The following NRXN3 variants were observed in gnomAD, a reference collection of about 807,000 sequenced individuals.
The protein encoded by NRXN3 is neurexin III.
In NRXN3, 32 loss-of-function variants were observed where a neutral mutation model predicts 137.6. That is an observed-to-expected ratio of 0.23 (90% confidence interval 0.18 to 0.31). The LOEUF (loss-of-function observed/expected upper bound fraction) is 0.31. Among genes scored for constraint, NRXN3 ranks in the 10% least tolerant of loss-of-function variants. NRXN3 has a pLI of 1.00. For synonymous variants in NRXN3, 798 were observed against 784.5 expected, an observed-to-expected ratio of 1.02 and a Z score of -0.29; for missense variants, 1,574 against 2,062.5, an observed-to-expected ratio of 0.76 and a Z score of 4.59.
chr14:79,399,008 CAAAAAAAAAA>C (rs34172134), intron 15 of NRXN3, among the ~76,000 whole-genome samples: 1 of 76,168 alleles, frequency 1.3e-5, no homozygotes, highest in Non-Finnish European at 2.3e-5. Context: ...GACTCCATCT[CAAAAAAAAAA>C]AAAAAAAAAG....
At chr14:78,993,265 A>C (rs1271003375) in intron 15 of NRXN3, among the ~76,000 whole-genome samples, 1 of 152,092 alleles carries the variant, frequency 6.6e-6, no homozygotes, top group African/African-American at 2.4e-5. Flanking sequence ...CACATTTCCC[A>C]TTCAAGCTTC....
chr14:79,521,924 T>C (rs929596192), intron 16 of NRXN3, among the ~76,000 whole-genome samples: 7 of 152,180 alleles, frequency 4.6e-5, no homozygotes, highest in Admixed American at 3.3e-4. Flanking sequence ...TAAACTATCA[T>C]TGAGTATAGT....
intron 4 of NRXN3, among the ~76,000 whole-genome samples, chr14:78,641,545 C>CCAT (rs1457995280): frequency 3.3e-5 from 5 of 152,186 alleles, no homozygotes; most frequent in African/African-American, 1.2e-4. Flanking sequence ...GAAAATTATT[C>CCAT]CATCACTTGA....
At chr14:78,869,722 C>T (rs1160348896) in intron 10 of NRXN3, among the ~76,000 whole-genome samples, 2 of 152,104 alleles carry the variant, frequency 1.3e-5, no homozygotes, top group African/African-American at 4.8e-5. Context: ...CTCAAATATC[C>T]ACTGGATTAG....
chr14:79,013,519 C>G (rs564146903), intron 15 of NRXN3, among the ~76,000 whole-genome samples: 1 of 152,274 alleles, frequency 6.6e-6, no homozygotes, highest in East Asian at 1.9e-4. Flanking sequence ...CCCAGAGAAG[C>G]TTTTGTCTTT....
At chr14:79,425,802 G>T (rs1024979771) in intron 15 of NRXN3, among the ~76,000 whole-genome samples, 2 of 152,120 alleles carry the variant, frequency 1.3e-5, no homozygotes, top group Non-Finnish European at 2.9e-5. Flanking sequence ...AACACGGTCT[G>T]TCCAGAGTCA....
chr14:79,630,285 T>A (rs988538570), intron 16 of NRXN3, among the ~76,000 whole-genome samples: 1 of 152,166 alleles, frequency 6.6e-6, no homozygotes, highest in Admixed American at 6.5e-5. Flanking sequence ...CCCCTCAGCA[T>A]AAGGACAACT....
chr14:78,456,927 C>CCCTCCCTT (rs1043413910), intron 4 of NRXN3, among the ~76,000 whole-genome samples: 1 of 148,010 alleles, frequency 6.8e-6, no homozygotes, highest in Non-Finnish European at 1.5e-5. Context: ...CTTCCTCTCT[C>CCCTCCCTT]CCTCCCTTCC....
At chr14:79,477,053 A>C (rs1429845076) in intron 16 of NRXN3, among the ~76,000 whole-genome samples, 3 of 152,040 alleles carry the variant, frequency 2.0e-5, no homozygotes, top group African/African-American at 7.2e-5. Flanking sequence ...CATATGTACG[A>C]ATCTTTTTAA....
intron 15 of NRXN3, among the ~76,000 whole-genome samples, chr14:79,344,376 A>T (rs560809195): frequency 6.6e-6 from 1 of 152,140 alleles, no homozygotes; most frequent in Non-Finnish European, 1.5e-5. Context: ...TAAGATCCAT[A>T]TATTTAATAT....
At chr14:78,947,248 G>T (rs1018622612) in intron 10 of NRXN3, among the ~76,000 whole-genome samples, 1 of 152,174 alleles carries the variant, frequency 6.6e-6, no homozygotes, top group African/African-American at 2.4e-5. Flanking sequence ...GATAGGCCTT[G>T]TAATTACCAT....
intron 1 of NRXN3, among the ~76,000 whole-genome samples, chr14:78,230,197 G>A (rs567496187): frequency 6.6e-5 from 10 of 151,762 alleles, no homozygotes; most frequent in Non-Finnish European, 1.3e-4. Context: ...ACTAATTTTT[G>A]TATTTTTAGT....
chr14:78,943,946 G>A (rs1403206291), intron 10 of NRXN3, among the ~76,000 whole-genome samples: 1 of 151,880 alleles, frequency 6.6e-6, no homozygotes, highest in Admixed American at 6.6e-5. Flanking sequence ...AAACCATGAG[G>A]GATGCTGACT....
At chr14:79,852,884 C>T (rs1603619832) in intron 20 of NRXN3, among the ~76,000 whole-genome samples, 1 of 151,064 alleles carries the variant, frequency 6.6e-6, no homozygotes, top group Non-Finnish European at 1.5e-5. Context: ...ATATATATAT[C>T]AATGTGTTTC....
intron 10 of NRXN3, among the ~76,000 whole-genome samples, chr14:78,853,300 G>C (rs1376896154): frequency 6.6e-6 from 1 of 152,064 alleles, no homozygotes; most frequent in Non-Finnish European, 1.5e-5. Context: ...TCCTACCTAT[G>C]AGTGAGAACA....
chr14:79,471,791 A>G (rs1257036806), intron 16 of NRXN3, among the ~76,000 whole-genome samples: 1 of 152,136 alleles, frequency 6.6e-6, no homozygotes, highest in Non-Finnish European at 1.5e-5. Context: ...CAAATGAAGA[A>G]AGGGTCACCA....
At chr14:79,221,900 T>A (rs1356922046) in intron 15 of NRXN3, among the ~76,000 whole-genome samples, 1 of 152,226 alleles carries the variant, frequency 6.6e-6, no homozygotes, top group Non-Finnish European at 1.5e-5. Flanking sequence ...TACGTTTAAG[T>A]CTTTAATCTA....
intron 8 of NRXN3, among the ~76,000 whole-genome samples, chr14:78,743,560 A>G (rs2098592399): frequency 6.6e-6 from 1 of 152,226 alleles, no homozygotes; most frequent in Non-Finnish European, 1.5e-5. Flanking sequence ...TGGATATTTC[A>G]TAATCAACTC....
intron 4 of NRXN3, among the ~76,000 whole-genome samples, chr14:78,357,069 C>T (rs1390022887): frequency 6.6e-6 from 1 of 152,112 alleles, no homozygotes; most frequent in Non-Finnish European, 1.5e-5. Flanking sequence ...TGTCATCCCC[C>T]TTGAAGACAG....
Sources: allele counts gnomAD v4.1 joint callset (sites outside exome capture counted in the v4.1 genomes callset), GRCh38; gene constraint gnomAD v4.1.1; transcripts MANE v1.5; gene names NCBI Gene and HGNC (gene_info 2026-07-23, HGNC 2026-07-21).